Variants in GFPT2 observed in about 807,000 individuals in gnomAD.
The protein encoded by GFPT2 is glutamine--fructose-6-phosphate aminotransferase [isomerizing] 2.
A neutral mutation model predicts 85.6 loss-of-function variants in GFPT2; 62 were observed. The ratio of observed to expected loss-of-function variants is 0.72; its 90% CI spans 0.59 to 0.90. GFPT2 has a LOEUF of 0.90. Among genes scored for constraint, GFPT2 ranks in the 40% least tolerant of loss-of-function variants. The pLI, the probability that GFPT2 is intolerant of heterozygous loss-of-function variation, is 0.00. For missense variants in GFPT2, 788 were observed against 893.4 expected (o/e 0.88, Z 1.50); for synonymous variants, 368 against 344.5 (o/e 1.07, Z -0.75).
chr5:180,321,017 A>T (rs1041668183), intron 9 of GFPT2, among the ~76,000 whole-genome samples: 5 of 152,268 alleles, frequency 3.3e-5, no homozygotes, highest in African/African-American at 9.6e-5. Flanking sequence ...ATAAAAGTGT[A>T]CAAATAACTT....
In GFPT2 at chr5:180,318,747, C is replaced by T. The variant is rs755723338; in HGVS notation, c.958+46G>A. On this transcript the variant is annotated intron_variant, in intron 10 of 18. Coordinates refer to ENST00000253778, the MANE Select transcript of GFPT2 (RefSeq NM_005110.4). The surrounding 1 kb of genome is among the most constrained non-coding windows in gnomAD (Gnocchi z 4.2). ...AGAGTGTCAGGAGCTCCACCAGGCG[C>T]GCTGGCTCCCGAGGCTGCCGCACGT... The T allele has an allele frequency of 1.3e-5, 20 of 1,557,046 alleles. No homozygotes were observed. Among genetic ancestry groups the T allele is most frequent in the East Asian group, 6.8e-5 (3 of 44,264 alleles).
chr5:180,351,387 C>T (rs1017872932), intron 1 of GFPT2, among the ~76,000 whole-genome samples: 2 of 152,220 alleles, frequency 1.3e-5, no homozygotes, highest in East Asian at 1.9e-4. Flanking sequence ...AGGGATTCCA[C>T]GACTTCCTGC....
chr5:180,332,280 G>C (rs1037109521), intron 4 of GFPT2, among the ~76,000 whole-genome samples: 55 of 152,250 alleles, frequency 3.6e-4, no homozygotes, highest in Admixed American at 9.2e-4. Flanking sequence ...GATGCGGTGA[G>C]GGATGTCTGC....
chr5:180,316,908 C>T (rs768038348), intron 11 of GFPT2, 47 bp from the exon 12 acceptor site: 15 of 1,555,590 alleles, frequency 9.6e-6, no homozygotes, highest in African/African-American at 5.4e-5. Context: ...ACACAGTCAC[C>T]GCATTCCCTG....
chr5:180,303,231 A>C (rs1319996924), intron 17 of GFPT2, among the ~76,000 whole-genome samples: 7 of 46,066 alleles, frequency 1.5e-4, no homozygotes, highest in Admixed American at 8.5e-4. Flanking sequence ...CTCCGTCACA[A>C]AAAAAAAAAA....
chr5:180,352,504 C>A (rs1458282835), intron 1 of GFPT2: 1 of 447,356 alleles, frequency 2.2e-6, no homozygotes, highest in South Asian at 1.6e-5. Context: ...CGCGGGACAG[C>A]GCGGGAGCGC....
chr5:180,328,305 G>A lies in GFPT2; in HGVS notation c.568C>T (p.His190Tyr), dbSNP rs1304011449. The change falls in exon 7 of 19, where the codon CAC becomes TAC. Residue 190 changes from histidine to tyrosine, a missense_variant. His to Tyr is a moderately conservative substitution (Grantham distance 83). Coordinates refer to ENST00000253778, the MANE Select transcript of GFPT2 (RefSeq NM_005110.4). This position sits in a 1 kb window ranked among gnomAD's most constrained non-coding sequence, Gnocchi z 5.4. ...GAFALVFKSV[H>Y]YPGEAVATRR... The stretch of plus-strand genomic sequence containing the variant: ...GTGGCAACGGCTTCTCCTGGGTAGT[G>A]GACACTCTTGAAAACCAGCGCGAAT... The A allele has an allele frequency of 1.2e-6, 2 of 1,612,874 alleles. No individual in the cohort carries two copies. Among genetic ancestry groups the A allele is most frequent in the South Asian group, 1.1e-5 (1 of 91,062 alleles).
chr5:180,307,502 C>T (rs1387033589), intron 15 of GFPT2, among the ~76,000 whole-genome samples, 199 bp from the exon 16 acceptor site: 4 of 152,192 alleles, frequency 2.6e-5, no homozygotes, highest in East Asian at 1.9e-4. Context: ...GATGGGGATT[C>T]GTGTTGTGTG....
chr5:180,337,566 T>TCAAC (rs1298986845), intron 2 of GFPT2, among the ~76,000 whole-genome samples: 1 of 151,312 alleles, frequency 6.6e-6, no homozygotes, highest in Non-Finnish European at 1.5e-5. Flanking sequence ...ACAAAAAATA[T>TCAAC]CAACGTACAA....
rs79423981 is a variant in GFPT2, at chr5:180,300,988, G to A, written c.*576C>T. On this transcript the variant is annotated 3_prime_UTR_variant, in exon 19 of 19. Coordinates refer to ENST00000253778, the MANE Select transcript of GFPT2 (RefSeq NM_005110.4). ...TTATAGGAGGCATAGGTGGATGCAG[G>A]AGGGGCTCCACGGATGTCAGAGAAC... 0.03 allele frequency: 4,669 copies of A among 153,340 alleles called. 131 individuals carry two copies. The highest frequency in any genetic ancestry group is 0.1 in the East Asian group (519 of 5,188). The allele number at this position is 153,340 out of a possible 1,614,324, so 9.5% of individuals were successfully genotyped here.
At chr5:180,322,727 CCTTT>C (rs1177500997) in intron 9 of GFPT2, among the ~76,000 whole-genome samples, 1 of 151,502 alleles carries the variant, frequency 6.6e-6, no homozygotes, top group Non-Finnish European at 1.5e-5. Context: ...GGCATTCATG[CCTTT>C]TTTTTAAAAA....
intron 4 of GFPT2, 53 bp from the exon 5 acceptor site, chr5:180,331,606 T>G (rs762035744): frequency 3.9e-6 from 4 of 1,033,060 alleles, no homozygotes; most frequent in Non-Finnish European, 6.1e-6. Context: ...TCATGTCAGA[T>G]GTGAAGAGAG....
chr5:180,313,481 T>A (rs1763936251), intron 14 of GFPT2, among the ~76,000 whole-genome samples: 1 of 149,742 alleles, frequency 6.7e-6, no homozygotes, highest in African/African-American at 2.5e-5. Flanking sequence ...TCCCAGCTAC[T>A]CGGGAGGCTG....
chr5:180,313,809 T>C lies in GFPT2; in HGVS notation c.1429A>G (p.Lys477Glu). The part of the protein sequence containing the change: ...AGPEIGVAST[K>E]AYTSQFISLV... ...CGGGCGCCCGTGGCTCCTCCTACCT[T>C]GGTGCTGGCCACGCCGATCTCCGGC... Residue 477 changes from lysine (K) to glutamate (E), a missense_variant and splice_region_variant, in exon 14 of 19, where the codon AAG (lysine) becomes GAG (glutamate). By Grantham distance (56) the Lys-to-Glu change is moderately conservative (BLOSUM62 1). Coordinates refer to ENST00000253778, the MANE Select transcript of GFPT2 (RefSeq NM_005110.4). 1 of 1,552,968 alleles carries C rather than the reference T, an allele frequency of 6.4e-7. No individual in the cohort carries two copies.
chr5:180,342,644 G>C (rs953109106), intron 1 of GFPT2, among the ~76,000 whole-genome samples: 6 of 152,040 alleles, frequency 3.9e-5, no homozygotes, highest in African/African-American at 1.4e-4. Context: ...GCTCACGCCT[G>C]TAATCCTAGC....
chr5:180,348,732 C>CTTTTT (rs11322913), intron 1 of GFPT2, among the ~76,000 whole-genome samples: 3 of 139,804 alleles, frequency 2.1e-5, no homozygotes, highest in African/African-American at 2.6e-5. Flanking sequence ...CATTTCTTTT[C>CTTTTT]TTTTTTTTTT....
chr5:180,334,001 G>A lies in GFPT2; in HGVS notation c.340+1827C>T, dbSNP rs142001225. Among the ~76,000 whole-genome samples the A allele has an allele frequency of 1.4e-3, 211 of 152,322 alleles. 1 individual carries two copies. The highest frequency in any genetic ancestry group is 0.012 in the South Asian group (58 of 4,820). On this transcript the variant is annotated intron_variant, in intron 4 of 18. Coordinates refer to ENST00000253778, the MANE Select transcript of GFPT2 (RefSeq NM_005110.4). The stretch of plus-strand genomic sequence containing the variant: ...GGCGCAGTGTTTTCTCGGCCAGCAC[G>A]ACTGCCCCAGGGACCAGCTTCTGCA...
chr5:180,311,073 G>A (rs1299200731), intron 15 of GFPT2, among the ~76,000 whole-genome samples: 4 of 152,108 alleles, frequency 2.6e-5, no homozygotes, highest in East Asian at 1.9e-4. Context: ...GTCAGGCCCC[G>A]AGGGCCTGGA....
At chr5:180,331,250 T>C (rs1452012094) in intron 5 of GFPT2, among the ~76,000 whole-genome samples, 1 of 152,254 alleles carries the variant, frequency 6.6e-6, no homozygotes, top group East Asian at 1.9e-4. Flanking sequence ...AAGCTCCTGT[T>C]ATTTTGATTC....
Sources: gnomAD v4.1 joint callset for allele counts (sites outside exome capture counted in the v4.1 genomes callset) on GRCh38, gnomAD v4.1.1 for gene constraint, Gnocchi (gnomAD v3.1) non-coding constraint, MANE v1.5 for transcripts, NCBI Gene and HGNC (gene_info 2026-07-23, HGNC 2026-07-21) for gene names.